Variants in TENM3 observed in about 807,000 individuals in gnomAD.
TENM3 encodes the protein teneurin transmembrane protein 3.
In TENM3, 63 loss-of-function variants were observed where a neutral mutation model predicts 255.1. The observed-to-expected ratio is 0.25, with a 90% CI of 0.20 to 0.30. The LOEUF (loss-of-function observed/expected upper bound fraction) is 0.30. TENM3 is among the 10% of genes least tolerant of loss of function. The probability of loss-of-function intolerance (pLI) is 1.00; values close to 1 mark genes in which losing one functional copy is unlikely to be tolerated. For synonymous variants in TENM3, 1,306 were observed against 1,322.3 expected, an observed-to-expected ratio of 0.99 and a Z score of 0.27; for missense variants, 2,929 against 3,461.1, an observed-to-expected ratio of 0.85 and a Z score of 3.86.
chr4:182,436,204 T>C (rs1252067941), intron 3 of TENM3, among the ~76,000 whole-genome samples: 1 of 152,162 alleles, frequency 6.6e-6, no homozygotes, highest in Non-Finnish European at 1.5e-5. Context: ...TGGGGAGTCA[T>C]GTTAACAATA....
At chr4:182,366,644 G>A (rs955234531) in intron 3 of TENM3, among the ~76,000 whole-genome samples, 1 of 152,074 alleles carries the variant, frequency 6.6e-6, no homozygotes, top group African/African-American at 2.4e-5. Context: ...AAGTGGGATA[G>A]GATTTGTGAA....
intron 3 of TENM3, among the ~76,000 whole-genome samples, chr4:182,569,794 C>T (rs957083347): frequency 2.0e-5 from 3 of 151,988 alleles, no homozygotes; most frequent in South Asian, 2.1e-4. Context: ...TTGTGGTTTA[C>T]GGGTGAGTAA....
At chr4:182,508,216 CATT>C (rs1737036186) in intron 3 of TENM3, among the ~76,000 whole-genome samples, 1 of 152,134 alleles carries the variant, frequency 6.6e-6, no homozygotes, top group Non-Finnish European at 1.5e-5. Flanking sequence ...TGTTAGCCAT[CATT>C]ATTGTTGTTA....
At chr4:182,059,181 A>G in the TENM3 span, among the ~76,000 whole-genome samples, 219 of 152,236 alleles carry the variant, frequency 1.4e-3, 1 homozygote, top group African/African-American at 4.8e-3. Context: ...AATACCTGCA[A>G]CCTTCTTGCT....
intron 1 of TENM3, among the ~76,000 whole-genome samples, chr4:182,301,023 A>G (rs1761819986): frequency 6.6e-6 from 1 of 152,254 alleles, no homozygotes. Context: ...CTCCTTTAAA[A>G]AGAAAAATAA....
chr4:182,374,591 A>G (rs1767052338), intron 3 of TENM3, among the ~76,000 whole-genome samples: 1 of 152,134 alleles, frequency 6.6e-6, no homozygotes, highest in Non-Finnish European at 1.5e-5. Context: ...TTTCAAGTTC[A>G]TTAGCCTTGT....
the TENM3 span, among the ~76,000 whole-genome samples, chr4:181,967,168 C>A: frequency 6.6e-6 from 1 of 152,062 alleles, no homozygotes; most frequent in East Asian, 1.9e-4. Flanking sequence ...TGGATATGTG[C>A]AAAGACAATG....
At chr4:182,762,902 C>G (rs1376648813) in intron 22 of TENM3, among the ~76,000 whole-genome samples, 2 of 147,944 alleles carry the variant, frequency 1.4e-5, no homozygotes, top group South Asian at 4.3e-4. Flanking sequence ...TACCACTTCT[C>G]GTAAACACAC....
chr4:182,499,342 C>G (rs1169896311), intron 3 of TENM3, among the ~76,000 whole-genome samples: 2 of 152,172 alleles, frequency 1.3e-5, no homozygotes, highest in African/African-American at 2.4e-5. Context: ...AAGTGTTGGT[C>G]CCACTTTGCA....
Position 182,597,130 on chromosome 4 carries a change from C to T in TENM3, c.512-3794C>T, listed in dbSNP as rs190755356. Among the ~76,000 whole-genome samples the T allele has an allele frequency of 1.3e-3, 191 of 152,310 alleles. 1 individual carries two copies. Among genetic ancestry groups the T allele is most frequent in the Admixed American group, 2.2e-3 (33 of 15,302 alleles). On this transcript the variant is annotated intron_variant, in intron 3 of 27. Transcript: ENST00000511685. Reference sequence around the variant, plus strand: ...GCAAAGACTTAAAAAGAGCCAGGTACAGATCCTCACACCTGCAGTCTCAGT... The same window carrying T: ...GCAAAGACTTAAAAAGAGCCAGGTATAGATCCTCACACCTGCAGTCTCAGT...
chr4:181,745,728 T>C, the TENM3 span, among the ~76,000 whole-genome samples: 3 of 152,130 alleles, frequency 2.0e-5, no homozygotes, highest in African/African-American at 7.2e-5. Flanking sequence ...AGGCTGAGGA[T>C]TGTGGAGAAG....
chr4:182,625,801 G>T (rs565815306), intron 4 of TENM3, among the ~76,000 whole-genome samples: 1 of 152,122 alleles, frequency 6.6e-6, no homozygotes, highest in African/African-American at 2.4e-5. Flanking sequence ...CTCCAGTGGC[G>T]TTGAGGGAAT....
the TENM3 span, among the ~76,000 whole-genome samples, chr4:181,610,449 G>C: frequency 6.6e-6 from 1 of 152,060 alleles, no homozygotes; most frequent in Admixed American, 6.6e-5. Context: ...CCCGGGTTTT[G>C]TCAACCTAGT....
chr4:182,347,671 A>T (rs561473447), intron 3 of TENM3, among the ~76,000 whole-genome samples: 121 of 152,322 alleles, frequency 7.9e-4, no homozygotes, highest in African/African-American at 2.6e-3. Context: ...ATGATTTTTT[A>T]AAAGTTAATT....
At chr4:182,725,405 C>G (rs1760080370) in intron 13 of TENM3, among the ~76,000 whole-genome samples, 1 of 151,954 alleles carries the variant, frequency 6.6e-6, no homozygotes, top group Admixed American at 6.6e-5. Context: ...ATCTTAACAA[C>G]TATGCTTCTA....
intron 3 of TENM3, among the ~76,000 whole-genome samples, chr4:182,551,703 T>C (rs57595458): frequency 0.016 from 2,426 of 152,228 alleles, 61 homozygotes; most frequent in African/African-American, 0.055. Flanking sequence ...AGTGGTATTC[T>C]AAAGTTGCAT....
At chr4:181,516,226 G>A in the TENM3 span, among the ~76,000 whole-genome samples, 1 of 152,060 alleles carries the variant, frequency 6.6e-6, no homozygotes, top group East Asian at 1.9e-4. Flanking sequence ...CAGGGGAGGG[G>A]AGAGCATTAG....
At chr4:181,786,410 G>A in the TENM3 span, among the ~76,000 whole-genome samples, 2 of 152,166 alleles carry the variant, frequency 1.3e-5, no homozygotes, top group East Asian at 3.9e-4. Flanking sequence ...CCAGATGGTT[G>A]ATACGTAAAT....
At chr4:182,436,068 C>G (rs1399302880) in intron 3 of TENM3, among the ~76,000 whole-genome samples, 1 of 151,884 alleles carries the variant, frequency 6.6e-6, no homozygotes, top group Admixed American at 6.6e-5. Flanking sequence ...GGGGGCTGGA[C>G]AGCTTTCTGT....
Sources: gnomAD v4.1 joint callset for allele counts (sites outside exome capture counted in the v4.1 genomes callset) on GRCh38, gnomAD v4.1.1 for gene constraint, MANE v1.5 for transcripts, NCBI Gene and HGNC (gene_info 2026-07-23, HGNC 2026-07-21) for gene names.